The following CRYBG3 variants were observed in gnomAD, a reference collection of about 807,000 sequenced individuals.
CRYBG3 encodes very large A-kinase anchor protein.
CRYBG3 carries 127 observed loss-of-function variants against 244.2 expected under a neutral mutation model. The ratio of observed to expected loss-of-function variants is 0.52; its 90% confidence interval spans 0.45 to 0.60. The LOEUF (loss-of-function observed/expected upper bound fraction) is 0.60, where lower values mean the gene tolerates loss of function less well. Among genes scored for constraint, CRYBG3 ranks in the 20% least tolerant of loss-of-function variants. The probability of loss-of-function intolerance (pLI) is 0.00; values close to 1 mark genes in which losing one functional copy is unlikely to be tolerated. For missense variants in CRYBG3, 3,325 were observed against 3,442.5 expected, an observed-to-expected ratio of 0.97 and a Z score of 0.85; for synonymous variants, 1,132 against 1,195.8, an observed-to-expected ratio of 0.95 and a Z score of 1.10.
At chr3:97,943,099 C>T in intron 21 of CRYBG3, 127 bp from the exon 22 acceptor site, 1 of 614,044 alleles carries the variant, frequency 1.6e-6, no homozygotes, top group South Asian at 2.1e-5. Flanking sequence ...CTTCCCATTT[C>T]AGACTTCTTT....
chr3:97,937,349 A>C (rs961822000), intron 19 of CRYBG3, among the ~76,000 whole-genome samples: 16 of 152,068 alleles, frequency 1.1e-4, no homozygotes, highest in African/African-American at 3.9e-4. Context: ...TTCCCACTGC[A>C]CTTAGAATAC....
In CRYBG3 at chr3:97,895,996, C is replaced by G; in HGVS notation, c.7612C>G (p.Gln2538Glu). The G allele has an allele frequency of 6.2e-7, 1 of 1,613,308 alleles. No homozygotes were observed. The highest frequency in any genetic ancestry group is 8.5e-7 in the Non-Finnish European group (1 of 1,179,598). Residue 2538 changes from glutamine to glutamate, a missense_variant, in exon 12 of 22, where the codon CAG becomes GAG. This residue lies in a region of CRYBG3 where 714 missense variants were observed against 803.6 expected (regional missense o/e 0.89). Transcript: ENST00000389622. ...TGAAAAAGAACATTTTAAAGGCCAG[C>G]AGTTTCTGCTTGAAGAAGGAGACTT... The part of the protein sequence containing the change: ...AYEKEHFKGQ[Q>E]FLLEEGDFED...
intron 1 of CRYBG3, among the ~76,000 whole-genome samples, chr3:97,838,703 C>T (rs1015742326): frequency 1.3e-5 from 2 of 152,040 alleles, no homozygotes; most frequent in African/African-American, 2.4e-5. Context: ...TTCTTGGGCC[C>T]AGTTTTCCAC....
At chr3:97,925,630 G>T (rs1419503258) in intron 17 of CRYBG3, among the ~76,000 whole-genome samples, 1 of 151,994 alleles carries the variant, frequency 6.6e-6, no homozygotes, top group Non-Finnish European at 1.5e-5. Flanking sequence ...AACAAAAGAT[G>T]CATAACCATT....
rs747453816 is a variant in CRYBG3 at position 97,900,481 on chromosome 3, A to G, written c.8000A>G (p.His2667Arg). ...CCACTTGGGATAAATGAACCTCCGC[A>G]TTTGGTATGTTTAAAAATATTCTTG... ...LEPLGINEPP[H>R]LLKAFSKPGF... Residue 2667 changes from histidine (H) to arginine (R), a missense_variant, in exon 15 of 22, where the codon CAT (histidine) becomes CGT (arginine). Coordinates refer to ENST00000389622, the MANE Select transcript of CRYBG3 (RefSeq NM_153605.4). The G allele has an allele frequency of 3.2e-6, 5 of 1,550,280 alleles. No homozygotes were observed. Among genetic ancestry groups the G allele is most frequent in the East Asian group, 4.5e-5 (2 of 44,518 alleles).
At position 97,833,636 on chromosome 3, in the gene CRYBG3, T is replaced by G. The variant is rs572591905; in HGVS notation, c.150-9559T>G. 6.6e-5 allele frequency among the ~76,000 whole-genome samples: 10 copies of G among 152,044 alleles called. 1 individual carries two copies. The highest frequency in any genetic ancestry group is 2.2e-4 in the African/African-American group (9 of 41,488). Reference sequence around the variant, plus strand: ...CTAATGTGATGACAGGTTGATGGGTTCAGCAAACCACCATGGCACGTGTAC... The same window carrying G: ...CTAATGTGATGACAGGTTGATGGGTGCAGCAAACCACCATGGCACGTGTAC... On this transcript the variant is annotated intron_variant, in intron 1 of 21. Transcript: ENST00000389622.
rs749454050 is a variant in CRYBG3, at chr3:97,912,202, A to G, written c.8040A>G (p.Glu2680=). Residue 2680 remains glutamate (E), a synonymous_variant, in exon 16 of 22, where the codon GAA becomes GAG. Transcript: ENST00000389622. ...KAFSKPGFQG[E]CIDFTEETSD... ...TCAGCAAACCAGGGTTCCAAGGTGAATGTATAGATTTTACAGAAGAAACTT... is the reference window on the plus strand; with the variant it reads ...TCAGCAAACCAGGGTTCCAAGGTGAGTGTATAGATTTTACAGAAGAAACTT... The G allele has an allele frequency of 1.2e-5, 20 of 1,606,584 alleles. No individual in the cohort carries two copies. The highest frequency in any genetic ancestry group is 1.7e-5 in the Admixed American group (1 of 58,900).
intron 2 of CRYBG3, among the ~76,000 whole-genome samples, chr3:97,850,393 T>G (rs2038968021): frequency 1.3e-5 from 2 of 152,156 alleles, no homozygotes; most frequent in Admixed American, 6.5e-5. Context: ...TATCAAAAAT[T>G]ATATGGATTT....
rs772457470 is a variant in CRYBG3, at chr3:97,892,989, G to A, written c.7570G>A (p.Gly2524Arg). ...HRIGSIRVIG[G>R]VWVAYEKEHF... ...AATTGGATCAATTCGTGTCATTGGT[G>A]GAGTGTGAGTATCATATTTTTAACA... Residue 2524 changes from glycine to arginine, a missense_variant, in exon 11 of 22, where the codon GGA becomes AGA. This residue lies in a region of CRYBG3 where 714 missense variants were observed against 803.6 expected (regional missense o/e 0.89). Coordinates refer to ENST00000389622, the MANE Select transcript of CRYBG3 (RefSeq NM_153605.4). 16 of 1,595,448 alleles carry A rather than the reference G, an allele frequency of 1.0e-5. No individual in the cohort carries two copies. The highest frequency in any genetic ancestry group is 1.2e-5 in the Non-Finnish European group (14 of 1,173,944).
Position 97,937,278 on chromosome 3 carries a change from A to C in CRYBG3, c.8505+370A>C, listed in dbSNP as rs116206093. Among the ~76,000 whole-genome samples, 1,027 of 152,160 alleles carry C rather than the reference A, an allele frequency of 6.7e-3. 12 individuals carry two copies. The highest frequency in any genetic ancestry group is 0.024 in the African/African-American group (979 of 41,538). ...TATAATACTCAGGATGGATCCTGGC[A>C]ATTTAATTAAAATAAGTATTTATTG... is the stretch of plus-strand genomic sequence containing the variant. On this transcript the variant is annotated intron_variant, in intron 19 of 21. Coordinates refer to ENST00000389622, the MANE Select transcript of CRYBG3 (RefSeq NM_153605.4).
intron 4 of CRYBG3, among the ~76,000 whole-genome samples, chr3:97,879,148 A>G (rs905601254): frequency 1.3e-5 from 2 of 152,318 alleles, no homozygotes; most frequent in South Asian, 4.1e-4. Context: ...TTAACTCTGC[A>G]TTATAAGGCT....
At chr3:97,904,730 T>A (rs1303004662) in intron 15 of CRYBG3, among the ~76,000 whole-genome samples, 1 of 151,288 alleles carries the variant, frequency 6.6e-6, no homozygotes, top group Non-Finnish European at 1.5e-5. Flanking sequence ...GTCTTTTTTT[T>A]ATAATCTTTT....
rs149595397 is a variant in CRYBG3 at position 97,887,738 on chromosome 3, A to G, written c.7290-603A>G. On this transcript the variant is annotated intron_variant, in intron 8 of 21. Coordinates refer to ENST00000389622, the MANE Select transcript of CRYBG3 (RefSeq NM_153605.4). ...ACCATTGCACTCCAGCCTGGGCAAC[A>G]AGAGCAAAACTCTGTCTCAAGAAAA... 4.0e-3 allele frequency among the ~76,000 whole-genome samples: 610 copies of G among 152,270 alleles called. 3 individuals are homozygous for G. Among genetic ancestry groups the G allele is most frequent in the African/African-American group, 0.014 (590 of 41,548 alleles).
At chr3:97,918,784 TG>T (rs777892596) in intron 17 of CRYBG3, among the ~76,000 whole-genome samples, 30 of 152,194 alleles carry the variant, frequency 2.0e-4, no homozygotes, top group Non-Finnish European at 3.7e-4. Context: ...ACCAGGCTAA[TG>T]GGAGCACCTC....
intron 17 of CRYBG3, among the ~76,000 whole-genome samples, chr3:97,931,891 G>A (rs759753021): frequency 1.3e-5 from 2 of 151,904 alleles, no homozygotes; most frequent in Non-Finnish European, 2.9e-5. Context: ...TACTGATGCC[G>A]TTACTTCCAT....
intron 1 of CRYBG3, among the ~76,000 whole-genome samples, chr3:97,822,819 CG>C (rs2038524070): frequency 6.6e-6 from 1 of 152,206 alleles, no homozygotes; most frequent in Non-Finnish European, 1.5e-5. Context: ...GGGAGGAGAT[CG>C]GGGCAAAAGT....
chr3:97,908,112 T>C (rs981790004), intron 15 of CRYBG3, among the ~76,000 whole-genome samples: 18 of 152,260 alleles, frequency 1.2e-4, no homozygotes, highest in African/African-American at 3.4e-4. Flanking sequence ...GTCTGAGAGA[T>C]AGTTTGTTAT....
At chr3:97,902,051 A>T (rs1429286995) in intron 15 of CRYBG3, among the ~76,000 whole-genome samples, 1 of 152,214 alleles carries the variant, frequency 6.6e-6, no homozygotes, top group East Asian at 1.9e-4. Flanking sequence ...GTTTATGCTT[A>T]CTTAAACAAA....
chr3:97,942,636 G>T (rs375216920), intron 21 of CRYBG3, 193 bp downstream of exon 21: 21 of 522,228 alleles, frequency 4.0e-5, no homozygotes, highest in East Asian at 2.2e-4. Flanking sequence ...ACAAAGCTTA[G>T]GGTTTTTGTT....
Sources: gnomAD v4.1 joint callset for allele counts (sites outside exome capture counted in the v4.1 genomes callset) on GRCh38, gnomAD v4.1.1 for gene constraint, gnomAD v4.1.1 regional missense constraint, MANE v1.5 for transcripts, NCBI Gene and HGNC (gene_info 2026-07-23, HGNC 2026-07-21) for gene names.